Variants in PTPN3 observed in about 807,000 individuals in gnomAD.
PTPN3 encodes tyrosine-protein phosphatase non-receptor type 3.
Under a neutral mutation model 132.7 loss-of-function variants are expected in PTPN3, and 96 were observed. That is an observed-to-expected ratio of 0.72 (90% CI 0.61 to 0.86). The LOEUF (loss-of-function observed/expected upper bound fraction) is 0.86, where lower values mean the gene tolerates loss of function less well. Among genes scored for constraint, PTPN3 ranks in the 40% least tolerant of loss-of-function variants. The pLI is 0.00. For missense variants in PTPN3, 1,125 were observed against 1,159.6 expected (o/e 0.97, Z 0.43); for synonymous variants, 398 against 429.0 (o/e 0.93, Z 0.89).
upstream of PTPN3, among the ~76,000 whole-genome samples, chr9:109,501,360 A>G (rs545192120): frequency 2.6e-5 from 4 of 152,316 alleles, no homozygotes; most frequent in South Asian, 8.3e-4. Flanking sequence ...GTTTTAGGAC[A>G]CACTGCCTCT....
At chr9:109,534,334 G>C in the PTPN3 span, 4 of 1,517,726 alleles carry the variant, frequency 2.6e-6, no homozygotes, top group East Asian at 2.5e-5. Context: ...GCTGCTCAAG[G>C]TTGTGGTGAT....
chr9:109,394,454 A>ATT (rs11407022), intron 19 of PTPN3, among the ~76,000 whole-genome samples: 18 of 140,154 alleles, frequency 1.3e-4, no homozygotes, highest in African/African-American at 2.1e-4. Context: ...CAGTGTTTAC[A>ATT]TTTTTTTTTT....
Position 109,389,380 on chromosome 9 carries a change from C to T in PTPN3, c.2107-1G>A. The T allele has an allele frequency of 5.0e-6, 8 of 1,612,926 alleles. No homozygotes were observed. The highest frequency in any genetic ancestry group is 6.8e-6 in the Non-Finnish European group (8 of 1,179,474). ...CAAGGTTAGCAGCAGGAATTTCCATCTGGTAAGAAATTGGTAAAGTATTAG... is the reference window on the plus strand; with the variant it reads ...CAAGGTTAGCAGCAGGAATTTCCATTTGGTAAGAAATTGGTAAAGTATTAG... On this transcript the variant is annotated splice_acceptor_variant, in intron 21 of 25. Coordinates refer to ENST00000374541, the MANE Select transcript of PTPN3 (RefSeq NM_002829.4). LOFTEE classifies it high-confidence loss of function.
the PTPN3 span, among the ~76,000 whole-genome samples, chr9:109,518,101 A>C: frequency 6.6e-6 from 1 of 151,970 alleles, no homozygotes; most frequent in Admixed American, 6.6e-5. Context: ...GTTTCCTTTA[A>C]CCCTGCTCAG....
intron 19 of PTPN3, among the ~76,000 whole-genome samples, chr9:109,395,049 AG>A (rs757332776): frequency 4.6e-5 from 7 of 151,856 alleles, no homozygotes; most frequent in Non-Finnish European, 8.8e-5. Flanking sequence ...CTGAGGCAGG[AG>A]AATGGCGTGA....
intron 2 of PTPN3, among the ~76,000 whole-genome samples, chr9:109,462,724 G>T (rs192759410): frequency 8.6e-5 from 13 of 151,970 alleles, no homozygotes; most frequent in Admixed American, 8.5e-4. Context: ...TAAGTGGGAT[G>T]AGCCAGAACC....
At chr9:109,391,870 T>TGTG (rs1554777546) in intron 19 of PTPN3, among the ~76,000 whole-genome samples, 2 of 29,444 alleles carry the variant, frequency 6.8e-5, no homozygotes, top group African/African-American at 3.4e-4. Flanking sequence ...CAACTAGATG[T>TGTG]GGGGGGGGGG....
chr9:109,397,534 C>A (rs890867442), intron 19 of PTPN3: 1 of 152,204 alleles, frequency 6.6e-6, no homozygotes, highest in Non-Finnish European at 1.5e-5. Context: ...TCACTACTCA[C>A]GGGTAGCTCA....
chr9:109,466,070 C>CA (rs1690909876), intron 1 of PTPN3, among the ~76,000 whole-genome samples: 1 of 152,140 alleles, frequency 6.6e-6, no homozygotes, highest in Non-Finnish European at 1.5e-5. Flanking sequence ...CCTCATTTCA[C>CA]ACTTAGAACT....
intron 8 of PTPN3, among the ~76,000 whole-genome samples, chr9:109,437,637 G>A (rs1478887357): frequency 6.6e-6 from 1 of 152,146 alleles, no homozygotes; most frequent in Non-Finnish European, 1.5e-5. Context: ...AATACGCAGG[G>A]GCAACTGCAG....
intron 1 of PTPN3, among the ~76,000 whole-genome samples, chr9:109,488,563 G>A (rs1018391509): frequency 6.6e-6 from 1 of 152,154 alleles, no homozygotes; most frequent in Non-Finnish European, 1.5e-5. Flanking sequence ...AAACACGACT[G>A]CACTGGACAG....
rs779970828 is a variant in PTPN3, at chr9:109,433,120, C to G, written c.717G>C (p.Ala239=). 6.2e-7 allele frequency: 1 copy of G among 1,613,958 alleles called. No homozygotes were observed. Among genetic ancestry groups the G allele is most frequent in the African/African-American group, 1.3e-5 (1 of 74,906 alleles). ...TGTATTTTCGGTACACAGCAACACCCGCGGAAGCAATTCCAATCATTAGGT... is the reference window on the plus strand; with the variant it reads ...TGTATTTTCGGTACACAGCAACACCGGCGGAAGCAATTCCAATCATTAGGT... ...NLDLMIGIAS[A]GVAVYRKYIC... Residue 239 remains alanine (A), a synonymous_variant, in exon 10 of 26, where the codon GCG becomes GCC. Transcript: ENST00000374541.
chr9:109,465,798 T>C (rs1268954743), intron 1 of PTPN3, among the ~76,000 whole-genome samples: 2 of 151,848 alleles, frequency 1.3e-5, no homozygotes, highest in East Asian at 3.9e-4. Flanking sequence ...CTGACAGTGT[T>C]GGGTGGAAGA....
At chr9:109,387,662 A>G (rs1397093729) in intron 22 of PTPN3, among the ~76,000 whole-genome samples, 1 of 152,194 alleles carries the variant, frequency 6.6e-6, no homozygotes, top group African/African-American at 2.4e-5. Flanking sequence ...AGCCCTGTGC[A>G]AGGTTAAACA....
rs189698694 is a variant in PTPN3, at chr9:109,483,349, A to G, written c.-18+14870T>C. ...TGGGCTCTCCTACTCCCTTTTGATC[A>G]CAGGCTTTACTCATTCTTCCTTCAA... On this transcript the variant is annotated intron_variant, in intron 1 of 25. Transcript: ENST00000374541. 2.8e-3 allele frequency among the ~76,000 whole-genome samples: 434 copies of G among 152,300 alleles called. 3 individuals carry two copies. The highest frequency in any genetic ancestry group is 4.6e-3 in the Non-Finnish European group (315 of 68,022).
At chr9:109,489,275 A>G (rs1847349045) in intron 1 of PTPN3, among the ~76,000 whole-genome samples, 1 of 152,210 alleles carries the variant, frequency 6.6e-6, no homozygotes, top group African/African-American at 2.4e-5. Flanking sequence ...GAGAGCTGAC[A>G]AAAGGCCGGT....
intron 6 of PTPN3, among the ~76,000 whole-genome samples, chr9:109,447,548 T>C (rs952503612): frequency 3.3e-5 from 5 of 152,040 alleles, no homozygotes; most frequent in African/African-American, 1.2e-4. Flanking sequence ...ATGAGCTAAG[T>C]GATGAGAATT....
Position 109,470,166 on chromosome 9 carries a change from T to G in PTPN3, c.-17-6715A>C, listed in dbSNP as rs575196128. Among the ~76,000 whole-genome samples the G allele has an allele frequency of 3.3e-5, 5 of 152,308 alleles. No homozygotes were observed. In the South Asian group the frequency reaches 1.0e-3, roughly 32 times the overall value. On this transcript the variant is annotated intron_variant, in intron 1 of 25. Coordinates refer to ENST00000374541, the MANE Select transcript of PTPN3 (RefSeq NM_002829.4). ...CTAGACAATGATTCATCAAATTAAG[T>G]GCACTTCTCGTCAAATGCCAATATT...
intron 9 of PTPN3, among the ~76,000 whole-genome samples, chr9:109,434,747 A>T (rs577238153): frequency 3.3e-5 from 5 of 152,326 alleles, no homozygotes; most frequent in African/African-American, 9.6e-5. Flanking sequence ...AAGATGACAG[A>T]ACCCACCTCG....
Sources: gnomAD v4.1 joint callset for allele counts (sites outside exome capture counted in the v4.1 genomes callset) on GRCh38, gnomAD v4.1.1 for gene constraint, MANE v1.5 for transcripts, NCBI Gene and HGNC (gene_info 2026-07-23, HGNC 2026-07-21) for gene names.